The following SLC17A7 variants were observed in gnomAD, a reference collection of about 807,000 sequenced individuals.
The protein encoded by SLC17A7 is vesicular glutamate transporter 1.
In SLC17A7, 15 loss-of-function variants were observed where a neutral mutation model predicts 59.1. That is an observed-to-expected ratio of 0.25 (90% CI 0.17 to 0.39). SLC17A7 has a LOEUF of 0.39. SLC17A7 is among the 10% of genes least tolerant of loss of function. The probability of loss-of-function intolerance (pLI) is 1.00; values close to 1 mark genes in which losing one functional copy is unlikely to be tolerated. For missense variants in SLC17A7, 499 were observed against 765.1 expected (o/e 0.65, Z 4.10); for synonymous variants, 353 against 308.9 (o/e 1.14, Z -1.50).
rs773503866 is a variant in SLC17A7, at chr19:49,441,329, C to T, written c.51G>A (p.Gly17=). ...EFRKLAGRAL[G]KLHRLLEKRQ... Reference sequence around the variant, plus strand: ...CCCGCCAGGCTCACCGGTGCAGCTTCCCGAGAGCACGACCCGCTAGCTTCC... The same window carrying T: ...CCCGCCAGGCTCACCGGTGCAGCTTTCCGAGAGCACGACCCGCTAGCTTCC... Residue 17 remains glycine, a synonymous_variant, in exon 1 of 12, where the codon GGG becomes GGA. Transcript: ENST00000221485. 87 of 1,610,328 alleles carry T rather than the reference C, an allele frequency of 5.4e-5. No homozygotes were observed. Among genetic ancestry groups the T allele is most frequent in the Non-Finnish European group, 7.1e-5 (84 of 1,179,126 alleles).
chr19:49,430,907 G>C, intron 11 of SLC17A7, 95 bp from the exon 12 acceptor site: 1 of 1,553,366 alleles, frequency 6.4e-7, no homozygotes, highest in East Asian at 2.3e-5. Context: ...AGAGACCCAG[G>C]GAGGCTGAAA....
At position 49,436,083 on chromosome 19, in the gene SLC17A7, G is replaced by A. The variant is rs985685279; in HGVS notation, c.315+466C>T. 2 of 170,452 alleles carry A rather than the reference G, an allele frequency of 1.2e-5. No individual in the cohort carries two copies. Among genetic ancestry groups the A allele is most frequent in the Non-Finnish European group, 2.6e-5 (2 of 77,434 alleles). The allele number at this position is 170,452 out of a possible 1,614,324, so 10.6% of individuals were successfully genotyped here. On this transcript the variant is annotated intron_variant, in intron 2 of 11. Transcript: ENST00000221485. This position sits in a 1 kb window ranked among gnomAD's most constrained non-coding sequence, Gnocchi z 4.1. Reference sequence around the variant, plus strand: ...GCACCGTAGCCTGGGAGACCCTGTGGGTCTTTAGATAAGGGACACAACACA... The same window carrying A: ...GCACCGTAGCCTGGGAGACCCTGTGAGTCTTTAGATAAGGGACACAACACA...
chr19:49,433,934 C>T lies in SLC17A7; in HGVS notation c.724+26G>A, dbSNP rs752187419. On this transcript the variant is annotated intron_variant, in intron 6 of 11. Coordinates refer to ENST00000221485, the MANE Select transcript of SLC17A7 (RefSeq NM_020309.4). The surrounding 1 kb of genome is among the most constrained non-coding windows in gnomAD (Gnocchi z 5.7). ...GGCCCCGCTCCGCCCCAGCGCCACC[C>T]GGAACCAGGCATCCGGGTCCCTCAC... The T allele has an allele frequency of 2.4e-5, 39 of 1,613,248 alleles. No homozygotes were observed. The highest frequency in any genetic ancestry group is 3.1e-5 in the Non-Finnish European group (37 of 1,179,760).
chr19:49,435,049 C>G, intron 3 of SLC17A7, 119 bp downstream of exon 3: 1 of 1,019,880 alleles, frequency 9.8e-7, no homozygotes, highest in East Asian at 2.4e-5. Flanking sequence ...CTCTAAGACC[C>G]ACCCCCAAAT....
Position 49,431,348 on chromosome 19 carries a change from G to A in SLC17A7, c.1251C>T (p.Phe417=). The stretch of plus-strand genomic sequence containing the variant: ...ATCCGCGGTTCTCACCAGAGATGGC[G>A]AAGCCGCTGAAGCCCACGGCTAGGA... ...FLVLAVGFSG[F]AISGFNVNHL... The change falls in exon 10 of 12, where the codon TTC becomes TTT. Residue 417 remains phenylalanine (F), a synonymous_variant. Transcript: ENST00000221485. The surrounding 1 kb of genome is among the most constrained non-coding windows in gnomAD (Gnocchi z 4.6). The A allele has an allele frequency of 1.2e-6, 2 of 1,614,050 alleles. No individual in the cohort carries two copies. The highest frequency in any genetic ancestry group is 1.7e-6 in the Non-Finnish European group (2 of 1,179,940).
In SLC17A7 at chr19:49,429,532, T is replaced by C. The variant is rs1160703609; in HGVS notation, c.*987A>G. The C allele has an allele frequency of 1.8e-4, 73 of 398,924 alleles. No homozygotes were observed. 24.7% of individuals were successfully genotyped at this position (398,924 alleles called of 1,614,324 possible). A position where few individuals can be genotyped will look rare whatever the true frequency, so the allele number is the denominator to read the frequency against. ...TCCTGCCCCATTCCCTTTCATGGGA[T>C]TCTGTGACTTCTCTATAGGTTCCCC... On this transcript the variant is annotated 3_prime_UTR_variant, in exon 12 of 12. Coordinates refer to ENST00000221485, the MANE Select transcript of SLC17A7 (RefSeq NM_020309.4).
In SLC17A7 at chr19:49,431,499, C is replaced by T. The variant is rs2122292534; in HGVS notation, c.1151-51G>A. On this transcript the variant is annotated intron_variant, in intron 9 of 11. Coordinates refer to ENST00000221485, the MANE Select transcript of SLC17A7 (RefSeq NM_020309.4). This position sits in a 1 kb window ranked among gnomAD's most constrained non-coding sequence, Gnocchi z 4.6. ...CTCCTGAGTGTCGGCCGGAGCAAGG[C>T]GCAGGCTGCCCCACACCGCCCTTCC... 1 of 1,502,382 alleles carries T rather than the reference C, an allele frequency of 6.7e-7. No homozygotes were observed. Among genetic ancestry groups the T allele is most frequent in the South Asian group, 1.1e-5 (1 of 87,750 alleles). 93.1% of individuals were successfully genotyped at this position (1,502,382 alleles called of 1,614,324 possible). A position where few individuals can be genotyped will look rare whatever the true frequency, so the allele number is the denominator to read the frequency against.
rs2078979822 is a variant in SLC17A7 at position 49,436,452 on chromosome 19, G to A, written c.315+97C>T. 4 of 1,489,154 alleles carry A rather than the reference G, an allele frequency of 2.7e-6. No homozygotes were observed. The Admixed American group carries it at 7.2e-5, about 27-fold the overall frequency. The allele number at this position is 1,489,154 out of a possible 1,614,324, so 92.2% of individuals were successfully genotyped here. On this transcript the variant is annotated intron_variant, in intron 2 of 11. Coordinates refer to ENST00000221485, the MANE Select transcript of SLC17A7 (RefSeq NM_020309.4). The surrounding 1 kb of genome is among the most constrained non-coding windows in gnomAD (Gnocchi z 4.1). ...TCCGACAGCGTTTCGGAAGGGGCGT[G>A]GCCTGGACGTCTGGTGGGTGAGTGT...
In SLC17A7 at chr19:49,433,568, C is replaced by T; in HGVS notation, c.867+158G>A. 2.0e-6 allele frequency: 2 copies of T among 1,018,136 alleles called. No homozygotes were observed. The highest frequency in any genetic ancestry group is 3.0e-6 in the Non-Finnish European group (2 of 668,940). 63.1% of individuals were successfully genotyped at this position (1,018,136 alleles called of 1,614,324 possible). On this transcript the variant is annotated intron_variant, in intron 7 of 11. Transcript: ENST00000221485. The surrounding 1 kb of genome is among the most constrained non-coding windows in gnomAD (Gnocchi z 5.7). ...CCCCAGCACCTGAGAATCTCGTCCTCCGCGGGTTGCAACCCGCCTCCTAGG... is the reference window on the plus strand; with the variant it reads ...CCCCAGCACCTGAGAATCTCGTCCTTCGCGGGTTGCAACCCGCCTCCTAGG...
chr19:49,436,816 G>A lies in SLC17A7; in HGVS notation c.63-15C>T. On this transcript the variant is annotated splice_polypyrimidine_tract_variant and intron_variant, in intron 1 of 11. Coordinates refer to ENST00000221485, the MANE Select transcript of SLC17A7 (RefSeq NM_020309.4). The surrounding 1 kb of genome is among the most constrained non-coding windows in gnomAD (Gnocchi z 4.1). The stretch of plus-strand genomic sequence containing the variant: ...TCTCCAGAAGGCTGCGGGACAGCAA[G>A]AGCCAGAGACTCGGAAGTCCAGGCC... 6.3e-7 allele frequency: 1 copy of A among 1,597,378 alleles called. No individual in the cohort carries two copies. Among genetic ancestry groups the A allele is most frequent in the East Asian group, 2.2e-5 (1 of 44,814 alleles).
intron 9 of SLC17A7, among the ~76,000 whole-genome samples, chr19:49,432,061 G>C (rs943998980): frequency 6.6e-6 from 1 of 152,134 alleles, no homozygotes; most frequent in Admixed American, 6.5e-5. Context: ...GGGCTCCAGC[G>C]ATCCTCCCTT....
In SLC17A7 at chr19:49,429,879, AG is replaced by A; in HGVS notation, c.*639del. On this transcript the variant is annotated 3_prime_UTR_variant, in exon 12 of 12. Coordinates refer to ENST00000221485, the MANE Select transcript of SLC17A7 (RefSeq NM_020309.4). ...GGTTGTTTCCCCAGACATTATGCTA[AG>A]CTAGGGAGAAGAGGGTCTTGAGAAA... is the stretch of plus-strand genomic sequence containing the variant. The A allele has an allele frequency of 3.6e-6, 1 of 279,210 alleles. No individual in the cohort carries two copies. Among genetic ancestry groups the A allele is most frequent in the East Asian group, 5.7e-5 (1 of 17,502 alleles). 17.3% of individuals were successfully genotyped at this position (279,210 alleles called of 1,614,324 possible).
chr19:49,440,929 GAGA>G (rs970111039), intron 1 of SLC17A7, among the ~76,000 whole-genome samples: 36 of 152,130 alleles, frequency 2.4e-4, no homozygotes, highest in African/African-American at 8.2e-4. Context: ...GAGATCTAGG[GAGA>G]AGGAGGGGCC....
rs70954427 is a variant in SLC17A7 at position 49,431,782 on chromosome 19, GT to G, written c.1151-335del. Among the ~76,000 whole-genome samples, 38 of 148,720 alleles carry G rather than the reference GT, an allele frequency of 2.6e-4. No individual in the cohort carries two copies. The highest frequency in any genetic ancestry group is 8.5e-4 in the South Asian group (4 of 4,718). On this transcript the variant is annotated intron_variant, in intron 9 of 11. Transcript: ENST00000221485. This position sits in a 1 kb window ranked among gnomAD's most constrained non-coding sequence, Gnocchi z 4.6. Reference sequence around the variant, plus strand: ...CTCAATCCCCACTCATGAGTTTTTGGTTTTTTTTTTTTTTAATTTTTGATTT... The same window carrying G: ...CTCAATCCCCACTCATGAGTTTTTGGTTTTTTTTTTTTTAATTTTTGATTT...
chr19:49,433,002 C>G lies in SLC17A7; in HGVS notation c.868-42G>C, dbSNP rs538125902. 1 of 1,571,200 alleles carries G rather than the reference C, an allele frequency of 6.4e-7. No homozygotes were observed. Among genetic ancestry groups the G allele is most frequent in the South Asian group, 1.2e-5 (1 of 86,062 alleles). The stretch of plus-strand genomic sequence containing the variant: ...AGGGCCGCTAAGACGGGGAGCGGGG[C>G]TGAGGGCTTCTCCGCGTCCCTTCAG... On this transcript the variant is annotated intron_variant, in intron 7 of 11. Transcript: ENST00000221485. This position sits in a 1 kb window ranked among gnomAD's most constrained non-coding sequence, Gnocchi z 5.7.
chr19:49,430,567 G>C lies in SLC17A7; in HGVS notation c.1635C>G (p.His545Gln). The change falls in exon 12 of 12, where the codon CAC becomes CAG. Residue 545 changes from histidine (H) to glutamine (Q), a missense_variant. Around this residue, in one of 3 missense-constraint regions of SLC17A7, gnomAD observed 98 missense variants for 77.5 expected, o/e 1.27. Transcript: ENST00000221485. The stretch of plus-strand genomic sequence containing the variant: ...GGGGCCTGGGGGGCTGAAATGTGCT[G>C]TGTGTGGCCCCATAGGAGGGCGGGG... ...PAPPPSYGAT[H>Q]STFQPPRPPP... The C allele has an allele frequency of 6.2e-7, 1 of 1,608,436 alleles. No homozygotes were observed. The highest frequency in any genetic ancestry group is 8.5e-7 in the Non-Finnish European group (1 of 1,176,724).
chr19:49,436,957 C>T lies in SLC17A7; in HGVS notation c.63-156G>A. On this transcript the variant is annotated intron_variant, in intron 1 of 11. Transcript: ENST00000221485. The surrounding 1 kb of genome is among the most constrained non-coding windows in gnomAD (Gnocchi z 4.1). ...GAGTCCAGGTCCCTGGCTCCCTTCG[C>T]CCCCCTGATCCAGAAATCCTCCATC... 3.6e-6 allele frequency: 4 copies of T among 1,111,354 alleles called. No individual in the cohort carries two copies. The highest frequency in any genetic ancestry group is 5.0e-6 in the Non-Finnish European group (4 of 804,022). 68.8% of individuals were successfully genotyped at this position (1,111,354 alleles called of 1,614,324 possible).
At chr19:49,430,864 C>T (rs1188040423) in intron 11 of SLC17A7, 52 bp from the exon 12 acceptor site, 6 of 1,565,530 alleles carry the variant, frequency 3.8e-6, no homozygotes, top group South Asian at 3.6e-5. Context: ...GAAACAGAGG[C>T]GGAGAGAGGG....
Position 49,429,873 on chromosome 19 carries a change from A to G in SLC17A7, c.*646T>C, listed in dbSNP as rs899631906. ...GATTTTGGTTGTTTCCCCAGACATTATGCTAAGCTAGGGAGAAGAGGGTCT... is the reference window on the plus strand; with the variant it reads ...GATTTTGGTTGTTTCCCCAGACATTGTGCTAAGCTAGGGAGAAGAGGGTCT... On this transcript the variant is annotated 3_prime_UTR_variant, in exon 12 of 12. Transcript: ENST00000221485. 3.5e-6 allele frequency: 1 copy of G among 287,904 alleles called. No individual in the cohort carries two copies. Among genetic ancestry groups the G allele is most frequent in the Non-Finnish European group, 6.4e-6 (1 of 155,398 alleles). The allele number at this position is 287,904 out of a possible 1,614,324, so 17.8% of individuals were successfully genotyped here.
Sources: gnomAD v4.1 joint callset for allele counts (sites outside exome capture counted in the v4.1 genomes callset) on GRCh38, gnomAD v4.1.1 for gene constraint, gnomAD v4.1.1 regional missense constraint, Gnocchi (gnomAD v3.1) non-coding constraint, MANE v1.5 for transcripts, NCBI Gene and HGNC (gene_info 2026-07-23, HGNC 2026-07-21) for gene names.